Variants in DLEU7 observed in about 807,000 individuals in gnomAD.
DLEU7 encodes the protein deleted in lymphocytic leukemia 7.
In DLEU7, 17 loss-of-function variants were observed where a neutral mutation model predicts 16.0. The ratio of observed to expected loss-of-function variants is 1.06; its 90% confidence interval spans 0.73 to 1.59. The LOEUF (loss-of-function observed/expected upper bound fraction) is 1.59. Ranked by LOEUF, DLEU7 falls within the 40% of genes most tolerant of loss-of-function variation. The pLI is 0.00. For synonymous variants in DLEU7, 113 were observed against 139.8 expected (o/e 0.81, Z 1.35); for missense variants, 308 against 314.9 (o/e 0.98, Z 0.17).
At chr13:50,745,355 A>T (rs755618294) in intron 1 of DLEU7, among the ~76,000 whole-genome samples, 14 of 152,198 alleles carry the variant, frequency 9.2e-5, no homozygotes, top group Non-Finnish European at 1.6e-4. Context: ...GGAAGTTAAC[A>T]TAGTCAGATT....
chr13:50,823,349 A>C lies in DLEU7; in HGVS notation c.631T>G (p.Leu211Val). ...SDAHMVACAS[L>V]RQILQNLPDI ...GGGAGATTCTGTAAGATCTGTCTCA[A>C]GGAAGCACAGGCTACCATGTGGGCA... The change falls in exon 2 of 2, where the codon TTG (leucine) becomes GTG (valine). Residue 211 changes from leucine to valine, a missense_variant. Coordinates refer to ENST00000504404, the MANE Select transcript of DLEU7 (RefSeq NM_001306135.2). The C allele has an allele frequency of 1.3e-6, 2 of 1,535,816 alleles. No individual in the cohort carries two copies. Among genetic ancestry groups the C allele is most frequent in the Non-Finnish European group, 1.7e-6 (2 of 1,146,646 alleles).
intron 1 of DLEU7, among the ~76,000 whole-genome samples, chr13:50,775,349 G>A (rs1236803390): frequency 1.3e-5 from 2 of 152,158 alleles, no homozygotes; most frequent in Non-Finnish European, 2.9e-5. Context: ...AGCCTAGGAT[G>A]AATCCCTAGT....
chr13:50,822,635 A>C, downstream of DLEU7: 1 of 984,904 alleles, frequency 1.0e-6, no homozygotes, highest in Non-Finnish European at 1.2e-6. Flanking sequence ...ACTTTTCCAC[A>C]TGAGACTTTA....
chr13:50,838,772 G>A (rs1355841352), intron 1 of DLEU7, among the ~76,000 whole-genome samples: 2 of 152,168 alleles, frequency 1.3e-5, no homozygotes, highest in African/African-American at 2.4e-5. Context: ...AAGATAAATT[G>A]AAGTTACAAG....
intron 1 of DLEU7, among the ~76,000 whole-genome samples, chr13:50,786,747 G>T (rs1875803143): frequency 6.6e-6 from 1 of 152,106 alleles, no homozygotes; most frequent in Non-Finnish European, 1.5e-5. Flanking sequence ...CTCTTTGTGT[G>T]AGTTAAAAAT....
chr13:50,811,787 G>A (rs1876575669), intron 1 of DLEU7, among the ~76,000 whole-genome samples: 1 of 152,174 alleles, frequency 6.6e-6, no homozygotes, highest in Non-Finnish European at 1.5e-5. Context: ...CCTGTAAGAT[G>A]TCTGGGCATG....
intron 1 of DLEU7, among the ~76,000 whole-genome samples, chr13:50,771,499 T>G (rs1050112114): frequency 7.9e-5 from 12 of 152,216 alleles, no homozygotes; most frequent in African/African-American, 2.9e-4. Context: ...ACATCTTTAT[T>G]TCTGCCTGCA....
chr13:50,841,512 C>A (rs1305359294), intron 1 of DLEU7, among the ~76,000 whole-genome samples: 1 of 152,012 alleles, frequency 6.6e-6, no homozygotes, highest in Non-Finnish European at 1.5e-5. Flanking sequence ...CTACTGACAT[C>A]ACAAGTCACT....
At chr13:50,789,615 T>G (rs763831226) in intron 1 of DLEU7, among the ~76,000 whole-genome samples, 10 of 152,052 alleles carry the variant, frequency 6.6e-5, no homozygotes, top group Non-Finnish European at 1.0e-4. Flanking sequence ...TGTTAGTGCT[T>G]AATCAATGCC....
chr13:50,753,944 A>G (rs1192870856), intron 1 of DLEU7, among the ~76,000 whole-genome samples: 1 of 152,244 alleles, frequency 6.6e-6, no homozygotes, highest in Non-Finnish European at 1.5e-5. Context: ...GTGCTCATTC[A>G]GGAGCAGGTT....
intron 1 of DLEU7, among the ~76,000 whole-genome samples, chr13:50,742,193 A>C (rs953632231): frequency 6.6e-6 from 1 of 152,224 alleles, no homozygotes; most frequent in South Asian, 2.1e-4. Flanking sequence ...TTGGAACAAG[A>C]GTAATAGTAT....
At chr13:50,793,572 A>C (rs529115703) in intron 1 of DLEU7, among the ~76,000 whole-genome samples, 5 of 152,272 alleles carry the variant, frequency 3.3e-5, no homozygotes, top group Admixed American at 2.6e-4. Context: ...ATCTCATTAC[A>C]GTTTTAATTT....
intron 1 of DLEU7, among the ~76,000 whole-genome samples, chr13:50,751,821 CTTCTT>C (rs1288881920): frequency 1.3e-5 from 2 of 152,124 alleles, no homozygotes; most frequent in South Asian, 2.1e-4. Context: ...GATTTTCTCT[CTTCTT>C]TTCTTGGTTA....
At chr13:50,793,002 GT>G (rs1225259973) in intron 1 of DLEU7, among the ~76,000 whole-genome samples, 4 of 151,904 alleles carry the variant, frequency 2.6e-5, no homozygotes, top group Non-Finnish European at 4.4e-5. Flanking sequence ...CCCACAGGTA[GT>G]TTTTTTCAAC....
chr13:50,777,065 G>A (rs972128690), intron 1 of DLEU7, among the ~76,000 whole-genome samples: 1 of 152,116 alleles, frequency 6.6e-6, no homozygotes, highest in Non-Finnish European at 1.5e-5. Flanking sequence ...CTTTGAAAAG[G>A]GATAAATGCT....
chr13:50,713,073 C>A (rs1013317052), exon 2 of DLEU7: 11 of 851,216 alleles, frequency 1.3e-5, no homozygotes, highest in Non-Finnish European at 1.9e-5. Flanking sequence ...AATTGGAGAC[C>A]AATACGAAGG....
intron 1 of DLEU7, among the ~76,000 whole-genome samples, chr13:50,715,676 G>A (rs1873420604): frequency 6.6e-6 from 1 of 152,352 alleles, no homozygotes; most frequent in Middle Eastern, 3.4e-3. Flanking sequence ...CATAGCTGGA[G>A]GAGACGTGTG....
intron 1 of DLEU7, among the ~76,000 whole-genome samples, chr13:50,817,602 A>T (rs989329059): frequency 6.6e-6 from 1 of 152,184 alleles, no homozygotes; most frequent in African/African-American, 2.4e-5. Context: ...GATTTACTGC[A>T]TGAGGATCTG....
At chr13:50,811,230 G>A (rs561362815) in intron 1 of DLEU7, among the ~76,000 whole-genome samples, 1 of 152,208 alleles carries the variant, frequency 6.6e-6, no homozygotes, top group African/African-American at 2.4e-5. Flanking sequence ...AACCAGAAAA[G>A]GGAAGTGCAA....
Sources: gnomAD v4.1 joint callset for allele counts (sites outside exome capture counted in the v4.1 genomes callset) on GRCh38, gnomAD v4.1.1 for gene constraint, MANE v1.5 for transcripts, NCBI Gene and HGNC (gene_info 2026-07-23, HGNC 2026-07-21) for gene names.